Variants in SLC24A1 observed in about 807,000 individuals in gnomAD.
SLC24A1 encodes solute carrier family 24 member 1, also known as sodium/potassium/calcium exchanger 1.
SLC24A1 carries 52 observed loss-of-function variants against 88.1 expected under a neutral mutation model. That is an observed-to-expected ratio of 0.59 (90% CI 0.47 to 0.74). The LOEUF (loss-of-function observed/expected upper bound fraction) is 0.74. SLC24A1 is among the 30% of genes least tolerant of loss of function. The probability of loss-of-function intolerance (pLI) is 0.00; values close to 1 mark genes in which losing one functional copy is unlikely to be tolerated. For synonymous variants in SLC24A1, 455 were observed against 498.0 expected (o/e 0.91, Z 1.15); for missense variants, 1,173 against 1,363.3 (o/e 0.86, Z 2.20).
chr15:65,642,242 C>T (rs2075153453), intron 4 of SLC24A1, among the ~76,000 whole-genome samples: 1 of 152,206 alleles, frequency 6.6e-6, no homozygotes, highest in Admixed American at 6.5e-5. Context: ...GATGTTTCCA[C>T]TCTTTACAGG....
chr15:65,635,253 G>A (rs1011865341), intron 2 of SLC24A1, among the ~76,000 whole-genome samples: 2 of 151,558 alleles, frequency 1.3e-5, no homozygotes, highest in Non-Finnish European at 2.9e-5. Flanking sequence ...AGGCCGAGGC[G>A]GGTGGATCAC....
At chr15:65,647,268 A>T (rs112160138) in intron 6 of SLC24A1, among the ~76,000 whole-genome samples, 3 of 152,128 alleles carry the variant, frequency 2.0e-5, no homozygotes, top group Non-Finnish European at 2.9e-5. Flanking sequence ...ACTTGAGGTC[A>T]GGAGTTTGAG....
At position 65,651,650 on chromosome 15, in the gene SLC24A1, CT is replaced by C; in HGVS notation, c.2794-16del. 7.3e-7 allele frequency: 1 copy of C among 1,375,862 alleles called. No individual in the cohort carries two copies. The highest frequency in any genetic ancestry group is 1.0e-6 in the Non-Finnish European group (1 of 966,216). 85.2% of individuals were successfully genotyped at this position (1,375,862 alleles called of 1,614,324 possible). The stretch of plus-strand genomic sequence containing the variant: ...TAACCTCTACAGCTTACTTCTTGTC[CT>C]TTTCAAACTTTCAAACAGGAGTCTA... On this transcript the variant is annotated intron_variant, in intron 7 of 9. Coordinates refer to ENST00000261892, the MANE Select transcript of SLC24A1 (RefSeq NM_004727.3).
chr15:65,616,264 A>C (rs1207451066), intron 2 of SLC24A1, among the ~76,000 whole-genome samples: 1 of 152,184 alleles, frequency 6.6e-6, no homozygotes, highest in East Asian at 1.9e-4. Flanking sequence ...TTACTGGGTC[A>C]AATGGTATTT....
At chr15:65,657,442 C>T (rs1016655790), downstream of SLC24A1, among the ~76,000 whole-genome samples, 5 of 151,810 alleles carry the variant, frequency 3.3e-5, no homozygotes, top group East Asian at 1.9e-4. Flanking sequence ...TAGATCGAGA[C>T]CATCCTGGCT....
Position 65,624,814 on chromosome 15 carries a change from C to A in SLC24A1, c.734C>A (p.Thr245Asn). 6.2e-7 allele frequency: 1 copy of A among 1,614,020 alleles called. No homozygotes were observed. The highest frequency in any genetic ancestry group is 8.5e-7 in the Non-Finnish European group (1 of 1,179,884). Residue 245 changes from threonine (T) to asparagine (N), a missense_variant, in exon 2 of 10, where the codon ACC becomes AAC. Thr to Asn is a moderately conservative substitution (Grantham distance 65, BLOSUM62 0). Coordinates refer to ENST00000261892, the MANE Select transcript of SLC24A1 (RefSeq NM_004727.3). ...CTTAAGAGAATAATGGAGGAAACCA[C>A]CCCAACCACTCTCAAGGGAATGTTT... Reference protein sequence around the residue: ...NSLKRIMEETTPTTLKGMFDS... With the variant: ...NSLKRIMEETNPTTLKGMFDS...
chr15:65,616,381 C>A (rs1322477385), intron 2 of SLC24A1, among the ~76,000 whole-genome samples: 2 of 152,236 alleles, frequency 1.3e-5, no homozygotes, highest in Non-Finnish European at 2.9e-5. Flanking sequence ...CACATCCTCT[C>A]TAGCATCTGT....
Position 65,625,646 on chromosome 15 carries a change from C to G in SLC24A1, c.1566C>G (p.Asn522Lys), listed in dbSNP as rs34638000. 6.2e-7 allele frequency: 1 copy of G among 1,613,884 alleles called. No individual in the cohort carries two copies. The change falls in exon 2 of 10, where the codon AAC (asparagine) becomes AAG (lysine). Residue 522 changes from asparagine (N) to lysine (K), a missense_variant. Asn to Lys is a moderately conservative substitution (Grantham distance 94). Coordinates refer to ENST00000261892, the MANE Select transcript of SLC24A1 (RefSeq NM_004727.3). Reference protein sequence around the residue: ...SLIGVFISHSNVGIGTIVGSA... With the variant: ...SLIGVFISHSKVGIGTIVGSA... ...TCGGTGTCTTCATTTCCCACAGCAA[C>G]GTGGGCATTGGTACCATTGTGGGCT...
intron 2 of SLC24A1, among the ~76,000 whole-genome samples, chr15:65,634,740 C>CAAAAAAAAAAAA (rs5813364): frequency 1.3e-3 from 115 of 90,286 alleles, no homozygotes; most frequent in Non-Finnish European, 1.6e-3. Context: ...TCAAAAGCAC[C>CAAAAAAAAAAAA]AAAAAAAAAA....
rs1244623737 is a variant in SLC24A1, at chr15:65,625,541, G to T, written c.1461G>T (p.Lys487Asn). 6.2e-7 allele frequency: 1 copy of T among 1,613,926 alleles called. No homozygotes were observed. Among genetic ancestry groups the T allele is most frequent in the Non-Finnish European group, 8.5e-7 (1 of 1,179,912 alleles). Residue 487 changes from lysine to asparagine, a missense_variant, in exon 2 of 10, where the codon AAG becomes AAT. Transcript: ENST00000261892. ...FVPALGVITD[K>N]LQISEDVAGA... ...CAGCCCTGGGTGTCATCACAGACAA[G>T]CTGCAGATCTCCGAGGATGTGGCAG...
upstream of SLC24A1, among the ~76,000 whole-genome samples, chr15:65,620,311 C>T (rs990694592): frequency 6.6e-6 from 1 of 151,912 alleles, no homozygotes; most frequent in Non-Finnish European, 1.5e-5. Context: ...TGCATGGAAA[C>T]CTGCTGACCC....
At chr15:65,618,140 G>T (rs1026376300), upstream of SLC24A1, among the ~76,000 whole-genome samples, 2 of 152,070 alleles carry the variant, frequency 1.3e-5, no homozygotes, top group Non-Finnish European at 2.9e-5. Context: ...ATTGTTGTTT[G>T]TTTTTGTTTA....
At chr15:65,634,092 A>T (rs2074824312) in intron 2 of SLC24A1, among the ~76,000 whole-genome samples, 1 of 152,120 alleles carries the variant, frequency 6.6e-6, no homozygotes, top group Non-Finnish European at 1.5e-5. Context: ...AATGGAGTGG[A>T]TTGGGATGCA....
chr15:65,657,366 G>T (rs1169811853), downstream of SLC24A1, among the ~76,000 whole-genome samples: 3 of 152,180 alleles, frequency 2.0e-5, no homozygotes, highest in Non-Finnish European at 2.9e-5. Flanking sequence ...AAAGGGCCGG[G>T]CGCGGTGGCT....
At chr15:65,633,125 G>A (rs954618538) in intron 2 of SLC24A1, among the ~76,000 whole-genome samples, 4 of 152,142 alleles carry the variant, frequency 2.6e-5, no homozygotes, top group African/African-American at 9.7e-5. Flanking sequence ...AGGGAGTCTC[G>A]TAGCCATGTG....
chr15:65,645,648 C>T lies in SLC24A1; in HGVS notation c.2177C>T (p.Thr726Ile), dbSNP rs1013714503. The change falls in exon 6 of 10, where the codon ACA becomes ATA. Residue 726 changes from threonine to isoleucine, a missense_variant. Physicochemically the swap from Thr to Ile is moderately conservative, Grantham distance 89. Coordinates refer to ENST00000261892, the MANE Select transcript of SLC24A1 (RefSeq NM_004727.3). ...GCCAAGCTCCCTGCGGTCACGGTCA[C>T]ACCAGCCCCTGTTCCAGACATCAAG... ...EPAKLPAVTV[T>I]PAPVPDIKGD... is the part of the protein sequence containing the mutation. 1 of 1,579,858 alleles carries T rather than the reference C, an allele frequency of 6.3e-7. No individual in the cohort carries two copies. The highest frequency in any genetic ancestry group is 2.3e-5 in the East Asian group (1 of 43,048).
Position 65,644,531 on chromosome 15 carries a change from C to T in SLC24A1, c.2140+18C>T, listed in dbSNP as rs1253151086. On this transcript the variant is annotated intron_variant, in intron 5 of 9. Coordinates refer to ENST00000261892, the MANE Select transcript of SLC24A1 (RefSeq NM_004727.3). ...ACCAGAAGGTGAGAGGATGGCCAGA[C>T]CAGTGGGTTTTCTCCTGCCCCCCTC... 6.5e-7 allele frequency: 1 copy of T among 1,544,552 alleles called. No homozygotes were observed. Among genetic ancestry groups the T allele is most frequent in the Non-Finnish European group, 8.8e-7 (1 of 1,137,400 alleles).
Position 65,650,726 on chromosome 15 carries a change from CGAAGAGGAG to C in SLC24A1, c.2589_2597del (p.Glu866_Glu868del), listed in dbSNP as rs1566965427. 2.6e-6 allele frequency: 4 copies of C among 1,566,010 alleles called. No homozygotes were observed. Among genetic ancestry groups the C allele is most frequent in the South Asian group, 1.2e-5 (1 of 85,742 alleles). On this transcript the variant is annotated inframe_deletion, in exon 7 of 10. Transcript: ENST00000261892. The surrounding 1 kb of genome is among the most constrained non-coding windows in gnomAD (Gnocchi z 4.1). ...GAGGGGGAAGTGATGGAGGGGATAGCGAAGAGGAGGAAGAGGAGGAGGAAGAGCAGGAGG... is the reference window on the plus strand; with the variant it reads ...GAGGGGGAAGTGATGGAGGGGATAGCGAAGAGGAGGAGGAAGAGCAGGAGG...
chr15:65,653,837 G>C lies in SLC24A1; in HGVS notation c.3058G>C (p.Val1020Leu), dbSNP rs375878760. The C allele has an allele frequency of 3.1e-6, 5 of 1,613,612 alleles. No homozygotes were observed. The highest frequency in any genetic ancestry group is 1.7e-5 in the Admixed American group (1 of 59,984). The change falls in exon 10 of 10, where the codon GTT becomes CTT. Residue 1020 changes from valine to leucine, a missense_variant. Val to Leu is a conservative substitution (Grantham distance 32). Coordinates refer to ENST00000261892, the MANE Select transcript of SLC24A1 (RefSeq NM_004727.3). ...NIFDITVGLP[V>L]PWLLFSLING... ...GTTTCTTCAATCTTGCAGCTTGCCT[G>C]TTCCTTGGTTGCTTTTCTCTCTTAT...
Sources: allele counts gnomAD v4.1 joint callset (sites outside exome capture counted in the v4.1 genomes callset), GRCh38; gene constraint gnomAD v4.1.1; non-coding constraint Gnocchi (gnomAD v3.1); transcripts MANE v1.5; gene names NCBI Gene and HGNC (gene_info 2026-07-23, HGNC 2026-07-21).